FHL5: variants seen among roughly 807,000 people sequenced by gnomAD.
The protein encoded by FHL5 is four and a half LIM domains protein 5.
FHL5 carries 33 observed loss-of-function variants against 32.0 expected under a neutral mutation model. The observed-to-expected ratio is 1.03, with a 90% CI of 0.78 to 1.38. The LOEUF is 1.38. FHL5 is among the 40% of genes most tolerant of loss of function. The pLI, the probability that FHL5 is intolerant of heterozygous loss-of-function variation, is 0.00. For missense variants in FHL5, 336 were observed against 343.9 expected, an observed-to-expected ratio of 0.98 and a Z score of 0.18; for synonymous variants, 114 against 113.6, an observed-to-expected ratio of 1.00 and a Z score of -0.02.
At chr6:96,586,363 A>G (rs1017635938) in intron 1 of FHL5, among the ~76,000 whole-genome samples, 6 of 152,202 alleles carry the variant, frequency 3.9e-5, no homozygotes, top group Non-Finnish European at 7.4e-5. Context: ...AAAATTTTTT[A>G]CACTGAAATA....
At chr6:96,581,443 G>A (rs964074448) in intron 1 of FHL5, among the ~76,000 whole-genome samples, 2 of 152,144 alleles carry the variant, frequency 1.3e-5, no homozygotes, top group Admixed American at 1.3e-4. Context: ...ATGGCAAAAT[G>A]TTTATGTTAT....
At chr6:96,603,798 T>A (rs746445784) in intron 2 of FHL5, 26 bp downstream of exon 2, 1 of 1,589,948 alleles carries the variant, frequency 6.3e-7, no homozygotes, top group Non-Finnish European at 8.6e-7. Flanking sequence ...ATTTACAGAA[T>A]TACTGCCTAT....
chr6:96,615,663 G>A lies in FHL5; in HGVS notation c.746G>A (p.Cys249Tyr). 6.2e-7 allele frequency: 1 copy of A among 1,613,250 alleles called. No individual in the cohort carries two copies. Among genetic ancestry groups the A allele is most frequent in the Non-Finnish European group, 8.5e-7 (1 of 1,179,644 alleles). The part of the protein sequence containing the change: ...CFQDSQWHSE[C>Y]FNCGKCSVSL... ...CAAGACAGCCAGTGGCATAGCGAAT[G>A]CTTTAACTGCGGGAAATGCTCTGTC... Residue 249 changes from cysteine to tyrosine, a missense_variant, in exon 6 of 6, where the codon TGC becomes TAC. Physicochemically the swap from Cys to Tyr is radical, Grantham distance 194. Transcript: ENST00000450218.
At chr6:96,606,106 T>A (rs748240575) in intron 4 of FHL5, 35 bp downstream of exon 4, 26 of 1,555,824 alleles carry the variant, frequency 1.7e-5, no homozygotes, top group South Asian at 9.0e-5. Flanking sequence ...TTGTGGAAAC[T>A]CAGACTATTT....
rs1358292446 is a variant in FHL5 at position 96,617,752 on chromosome 6, TG to T, written c.*1982del. Among the ~76,000 whole-genome samples, 2 of 152,212 alleles carry T rather than the reference TG, an allele frequency of 1.3e-5. No homozygotes were observed. The highest frequency in any genetic ancestry group is 2.9e-5 in the Non-Finnish European group (2 of 68,018). ...TGTAATGTTTTCTTAGTTAAACAAT[TG>T]GAAATGTTTAGGCATTTTACTGTGT... On this transcript the variant is annotated 3_prime_UTR_variant, in exon 6 of 6. Coordinates refer to ENST00000450218, the MANE Select transcript of FHL5 (RefSeq NM_001322466.2).
Position 96,589,583 on chromosome 6 carries a change from T to C in FHL5, c.-12-14019T>C, listed in dbSNP as rs368433057. 3.3e-4 allele frequency among the ~76,000 whole-genome samples: 50 copies of C among 152,176 alleles called. No homozygotes were observed. In the East Asian group the frequency reaches 7.1e-3, roughly 22 times the overall value. On this transcript the variant is annotated intron_variant, in intron 1 of 5. Transcript: ENST00000450218. The stretch of plus-strand genomic sequence containing the variant: ...AGGACTTCTTCACATGTTTTGGATA[T>C]GACTTCTTTGTTAATTAATGAATTG...
chr6:96,563,681 G>A (rs913156269), intron 1 of FHL5, among the ~76,000 whole-genome samples: 2 of 152,194 alleles, frequency 1.3e-5, no homozygotes, highest in South Asian at 2.1e-4. Flanking sequence ...TGTAAAAAGA[G>A]GAAGAAGAGG....
chr6:96,574,582 C>T (rs1770547469), intron 1 of FHL5, among the ~76,000 whole-genome samples: 1 of 152,100 alleles, frequency 6.6e-6, no homozygotes. Flanking sequence ...TAGATTTGGC[C>T]CTTGAGCTAC....
intron 1 of FHL5, among the ~76,000 whole-genome samples, chr6:96,586,877 A>G (rs192140031): frequency 6.6e-6 from 1 of 152,238 alleles, no homozygotes; most frequent in Non-Finnish European, 1.5e-5. Flanking sequence ...TAGAGCTTTC[A>G]ATGGAAATTT....
chr6:96,602,999 A>G (rs1360789018), intron 1 of FHL5, among the ~76,000 whole-genome samples: 1 of 152,198 alleles, frequency 6.6e-6, no homozygotes. Context: ...TTTTGGAGTC[A>G]TCAGCACATT....
chr6:96,615,216 T>C (rs190706253), intron 5 of FHL5, among the ~76,000 whole-genome samples: 144 of 152,344 alleles, frequency 9.5e-4, no homozygotes, highest in African/African-American at 3.3e-3. Context: ...TAAAGTCATA[T>C]AGAGAAAAAG....
chr6:96,563,030 A>T (rs950929054), upstream of FHL5: 14 of 152,296 alleles, frequency 9.2e-5, no homozygotes, highest in Non-Finnish European at 7.3e-5. Context: ...GATACTTCGA[A>T]TGCTAATCCT....
At chr6:96,609,503 T>A (rs967689682) in intron 4 of FHL5, among the ~76,000 whole-genome samples, 2 of 152,220 alleles carry the variant, frequency 1.3e-5, no homozygotes, top group Non-Finnish European at 2.9e-5. Flanking sequence ...AAAGTAGAAT[T>A]CATGGATTAA....
intron 1 of FHL5, among the ~76,000 whole-genome samples, chr6:96,563,725 TTGAA>T (rs2127956414): frequency 6.6e-6 from 1 of 152,276 alleles, no homozygotes; most frequent in African/African-American, 2.4e-5. Context: ...CTTAATTTAT[TTGAA>T]TGAATAACAT....
chr6:96,617,107 T>A lies in FHL5; in HGVS notation c.*1335T>A, dbSNP rs371015566. 9.2e-5 allele frequency among the ~76,000 whole-genome samples: 14 copies of A among 152,338 alleles called. No individual in the cohort carries two copies. The highest frequency in any genetic ancestry group is 3.4e-4 in the African/African-American group (14 of 41,554). The stretch of plus-strand genomic sequence containing the variant: ...CCAGGTTTATCTTTATACCAGACTT[T>A]AACTGATCATGACCCTATCTTGCTA... On this transcript the variant is annotated 3_prime_UTR_variant, in exon 6 of 6. Transcript: ENST00000450218.
At chr6:96,571,587 G>A (rs922130217) in intron 1 of FHL5, among the ~76,000 whole-genome samples, 9 of 152,118 alleles carry the variant, frequency 5.9e-5, no homozygotes, top group Admixed American at 3.3e-4. Flanking sequence ...TGGCAGGGTT[G>A]GATGTAGGTT....
Position 96,591,505 on chromosome 6 carries a change from T to C in FHL5, c.-12-12097T>C, listed in dbSNP as rs184394998. Among the ~76,000 whole-genome samples the C allele has an allele frequency of 5.3e-5, 8 of 152,286 alleles. No individual in the cohort carries two copies. The East Asian group carries it at 1.2e-3, about 22-fold the overall frequency. On this transcript the variant is annotated intron_variant, in intron 1 of 5. Transcript: ENST00000450218. The stretch of plus-strand genomic sequence containing the variant: ...TATTTTAACGTGGGTGGATGATTAA[T>C]AAATTTAGTTTCTGATGGCCTGAAA...
At chr6:96,571,503 C>T (rs1325009340) in intron 1 of FHL5, among the ~76,000 whole-genome samples, 2 of 152,142 alleles carry the variant, frequency 1.3e-5, no homozygotes, top group African/African-American at 4.8e-5. Flanking sequence ...ATTCTACATG[C>T]AGTAGGAGTT....
intron 1 of FHL5, among the ~76,000 whole-genome samples, chr6:96,571,631 C>T (rs1770481109): frequency 6.6e-6 from 1 of 152,098 alleles, no homozygotes; most frequent in African/African-American, 2.4e-5. Flanking sequence ...TTCTGAGGGA[C>T]CCCCTAGCAG....
Sources: gnomAD v4.1 joint callset for allele counts (sites outside exome capture counted in the v4.1 genomes callset) on GRCh38, gnomAD v4.1.1 for gene constraint, MANE v1.5 for transcripts, NCBI Gene and HGNC (gene_info 2026-07-23, HGNC 2026-07-21) for gene names.